NCAM2: variants seen among roughly 807,000 people sequenced by gnomAD.
NCAM2 encodes neural cell adhesion molecule 2.
A neutral mutation model predicts 98.1 loss-of-function variants in NCAM2; 30 were observed. That is an observed-to-expected ratio of 0.31 (90% CI 0.23 to 0.41). The LOEUF is 0.41. NCAM2 is among the 10% of genes least tolerant of loss of function. NCAM2 has a pLI of 1.00. For synonymous variants in NCAM2, 368 were observed against 342.4 expected (o/e 1.07, Z -0.83); for missense variants, 867 against 1,005.8 (o/e 0.86, Z 1.87).
intron 1 of NCAM2, among the ~76,000 whole-genome samples, chr21:21,039,171 C>T (rs947632915): frequency 7.9e-5 from 12 of 152,066 alleles, no homozygotes; most frequent in Admixed American, 2.6e-4. Flanking sequence ...ACCCATTAAC[C>T]AACCTCTCTT....
intron 15 of NCAM2, among the ~76,000 whole-genome samples, chr21:21,489,214 C>T (rs1045594548): frequency 4.6e-5 from 7 of 152,018 alleles, no homozygotes; most frequent in Non-Finnish European, 7.4e-5. Context: ...AGGCTGGTCT[C>T]GAACTCCTGA....
rs1987599996 is a variant in NCAM2 at position 21,501,101 on chromosome 21, C to G, written c.2078-7750C>G. Among the ~76,000 whole-genome samples the G allele has an allele frequency of 2.0e-5, 3 of 151,982 alleles. No homozygotes were observed. In the South Asian group the frequency reaches 6.2e-4, roughly 31 times the overall value. On this transcript the variant is annotated intron_variant, in intron 15 of 17. Transcript: ENST00000400546. ...TTGACTCTTTGAACTACATTTTACT[C>G]TTTGTATATTCAAGGGAATTCTATG...
intron 15 of NCAM2, among the ~76,000 whole-genome samples, chr21:21,486,314 A>AAC (rs1250990725): frequency 1.3e-5 from 2 of 150,816 alleles, no homozygotes; most frequent in Non-Finnish European, 3.0e-5. Flanking sequence ...AAAAAAAAAA[A>AAC]AAAAAAAAAA....
intron 12 of NCAM2, among the ~76,000 whole-genome samples, chr21:21,459,487 T>C (rs1487562058): frequency 1.3e-5 from 2 of 148,292 alleles, no homozygotes; most frequent in South Asian, 2.1e-4. Context: ...AATATTCCTG[T>C]ATGCATACAT....
chr21:21,061,495 T>G (rs2065320342), intron 1 of NCAM2, among the ~76,000 whole-genome samples: 1 of 152,176 alleles, frequency 6.6e-6, no homozygotes, highest in African/African-American at 2.4e-5. Context: ...TGATAGAACT[T>G]ACCACATAAA....
rs555204801 is a variant in NCAM2 at position 21,012,628 on chromosome 21, C to T, written c.55+14010C>T. Among the ~76,000 whole-genome samples, 533 of 152,158 alleles carry T rather than the reference C, an allele frequency of 3.5e-3. 6 individuals carry two copies. The highest frequency in any genetic ancestry group is 0.012 in the African/African-American group (509 of 41,510). The stretch of plus-strand genomic sequence containing the variant: ...AAAGCATCACATACTTATGCACTTA[C>T]CTGAAGTTGGGAAATAAAGAAATAT... On this transcript the variant is annotated intron_variant, in intron 1 of 17. Coordinates refer to ENST00000400546, the MANE Select transcript of NCAM2 (RefSeq NM_004540.5).
chr21:21,150,325 C>CT (rs1466189327), intron 1 of NCAM2, among the ~76,000 whole-genome samples: 1 of 152,034 alleles, frequency 6.6e-6, no homozygotes, highest in African/African-American at 2.4e-5. Context: ...AAGATTTATA[C>CT]TTTTTTCTTT....
At chr21:21,478,479 G>A (rs956622088) in intron 15 of NCAM2, among the ~76,000 whole-genome samples, 3 of 151,848 alleles carry the variant, frequency 2.0e-5, no homozygotes, top group Non-Finnish European at 4.4e-5. Context: ...TCAAATTGAT[G>A]TTAATTTCAC....
At chr21:21,185,673 T>C (rs912240273) in intron 1 of NCAM2, among the ~76,000 whole-genome samples, 1 of 152,126 alleles carries the variant, frequency 6.6e-6, no homozygotes, top group African/African-American at 2.4e-5. Context: ...AGAAATAAAG[T>C]ATATTCATAG....
intron 1 of NCAM2, among the ~76,000 whole-genome samples, chr21:21,068,876 A>G (rs2065499444): frequency 6.6e-6 from 1 of 152,038 alleles, no homozygotes; most frequent in South Asian, 2.1e-4. Flanking sequence ...CATACCACCC[A>G]TTATTGCTTT....
At chr21:21,206,710 G>A (rs1027361672) in intron 1 of NCAM2, among the ~76,000 whole-genome samples, 6 of 152,016 alleles carry the variant, frequency 3.9e-5, no homozygotes, top group African/African-American at 1.2e-4. Context: ...TAGGAATGTA[G>A]GATATCTTAA....
chr21:21,060,932 C>G (rs945226555), intron 1 of NCAM2, among the ~76,000 whole-genome samples: 18 of 151,970 alleles, frequency 1.2e-4, no homozygotes, highest in Admixed American at 3.9e-4. Context: ...ACTAAAAATG[C>G]TAAGAAGAAA....
chr21:21,431,764 T>C (rs894137775), intron 11 of NCAM2, among the ~76,000 whole-genome samples: 2 of 152,110 alleles, frequency 1.3e-5, no homozygotes, highest in African/African-American at 4.8e-5. Flanking sequence ...CCTCTTTATC[T>C]CTCTTTTATT....
intron 1 of NCAM2, among the ~76,000 whole-genome samples, chr21:21,158,707 T>C (rs1164568365): frequency 6.6e-6 from 1 of 152,092 alleles, no homozygotes; most frequent in Non-Finnish European, 1.5e-5. Context: ...ATTACTCACC[T>C]GTTTATGATG....
chr21:21,327,306 C>CAAAAAAAAAAAAAAAAAAA (rs11384559), intron 6 of NCAM2, among the ~76,000 whole-genome samples: 1 of 82,210 alleles, frequency 1.2e-5, no homozygotes, highest in Non-Finnish European at 2.2e-5. Context: ...GACTCTGTCT[C>CAAAAAAAAAAAAAAAAAAA]AAAAAAAAAA....
intron 1 of NCAM2, among the ~76,000 whole-genome samples, chr21:21,240,014 A>C (rs548150104): frequency 5.3e-5 from 8 of 152,178 alleles, no homozygotes; most frequent in African/African-American, 1.9e-4. Context: ...TCTTAAGCTT[A>C]TACACACATA....
At chr21:21,207,196 A>T (rs1283917892) in intron 1 of NCAM2, among the ~76,000 whole-genome samples, 1 of 152,192 alleles carries the variant, frequency 6.6e-6, no homozygotes, top group Non-Finnish European at 1.5e-5. Context: ...TAATCAGAAT[A>T]TTGTTATGTT....
intron 6 of NCAM2, among the ~76,000 whole-genome samples, chr21:21,333,040 G>C (rs2074759481): frequency 6.6e-6 from 1 of 152,180 alleles, no homozygotes; most frequent in African/African-American, 2.4e-5. Flanking sequence ...GAAGTGGTTT[G>C]AGTTTCAAAG....
At chr21:21,411,221 T>C (rs966325138) in intron 10 of NCAM2, among the ~76,000 whole-genome samples, 37 of 139,602 alleles carry the variant, frequency 2.7e-4, no homozygotes, top group Middle Eastern at 3.6e-3. Flanking sequence ...AATTTTTCCA[T>C]ATATATATAT....
Sources: allele counts gnomAD v4.1 joint callset (sites outside exome capture counted in the v4.1 genomes callset), GRCh38; gene constraint gnomAD v4.1.1; transcripts MANE v1.5; gene names NCBI Gene and HGNC (gene_info 2026-07-23, HGNC 2026-07-21).